The following CRISPLD2 variants were observed in gnomAD, a reference collection of about 807,000 sequenced individuals.
CRISPLD2 encodes cysteine-rich secretory protein LCCL domain-containing 2.
A neutral mutation model predicts 71.1 loss-of-function variants in CRISPLD2; 47 were observed. The observed-to-expected ratio is 0.66, with a 90% CI of 0.52 to 0.84. CRISPLD2 has a LOEUF of 0.84. CRISPLD2 is among the 40% of genes least tolerant of loss of function. The probability of loss-of-function intolerance (pLI) is 0.00; values close to 1 mark genes in which losing one functional copy is unlikely to be tolerated. For missense variants in CRISPLD2, 830 were observed against 651.1 expected (o/e 1.27, Z -2.99); for synonymous variants, 317 against 250.1 (o/e 1.27, Z -2.52).
intron 12 of CRISPLD2, among the ~76,000 whole-genome samples, chr16:84,878,901 A>G (rs1384732597): frequency 2.0e-5 from 3 of 152,246 alleles, no homozygotes; most frequent in African/African-American, 7.2e-5. Flanking sequence ...ATAGAATGAC[A>G]GTCCCAGGAC....
rs181745539 is a variant in CRISPLD2, at chr16:84,903,343, G to A, written c.1440-3245G>A. 5.3e-5 allele frequency among the ~76,000 whole-genome samples: 8 copies of A among 152,130 alleles called. No individual in the cohort carries two copies. The East Asian group carries it at 1.2e-3, about 22-fold the overall frequency. ...TGTAATCCCAGCACTTTGGGAGGCC[G>A]AGGCAGGCGGATCATGAGCTCAGGC... is the stretch of plus-strand genomic sequence containing the variant. On this transcript the variant is annotated intron_variant, in intron 14 of 14. Coordinates refer to ENST00000262424, the MANE Select transcript of CRISPLD2 (RefSeq NM_031476.4).
chr16:84,878,092 C>T (rs890413057), intron 12 of CRISPLD2, among the ~76,000 whole-genome samples: 93 of 149,396 alleles, frequency 6.2e-4, no homozygotes, highest in African/African-American at 2.1e-3. Context: ...GGCGTGGTGG[C>T]GGGCGCCTGT....
intron 6 of CRISPLD2, among the ~76,000 whole-genome samples, chr16:84,866,239 G>GTTTTTTT (rs11409128): frequency 2.2e-4 from 33 of 148,338 alleles, no homozygotes; most frequent in South Asian, 1.5e-3. Context: ...TTGTTTTTTG[G>GTTTTTTT]TTTTTTTTTT....
chr16:84,850,740 G>A, intron 5 of CRISPLD2, 57 bp downstream of exon 5: 1 of 1,388,358 alleles, frequency 7.2e-7, no homozygotes. Context: ...TTGCTTGCCA[G>A]GGAGCACCCA....
At chr16:84,903,155 A>G (rs2071770334) in intron 14 of CRISPLD2, among the ~76,000 whole-genome samples, 1 of 152,160 alleles carries the variant, frequency 6.6e-6, no homozygotes, top group South Asian at 2.1e-4. Flanking sequence ...TGTTGGGCCT[A>G]GCCCAGTCCA....
chr16:84,873,518 C>CAAAAAAAAAAAAAAAAAA (rs61561196), intron 10 of CRISPLD2: 2 of 127,978 alleles, frequency 1.6e-5, no homozygotes, highest in Admixed American at 8.4e-5. Flanking sequence ...AAAAAAAAAA[C>CAAAAAAAAAAAAAAAAAA]AAAAAAAAAA....
chr16:84,832,962 G>T (rs1256831542), intron 1 of CRISPLD2, among the ~76,000 whole-genome samples: 1 of 152,160 alleles, frequency 6.6e-6, no homozygotes, highest in Non-Finnish European at 1.5e-5. Flanking sequence ...ACAAAGCCTC[G>T]GCCAGGGTAG....
At chr16:84,842,418 A>G (rs958157091) in intron 2 of CRISPLD2, among the ~76,000 whole-genome samples, 1 of 141,234 alleles carries the variant, frequency 7.1e-6, no homozygotes, top group African/African-American at 2.6e-5. Flanking sequence ...ACTGTCGCCT[A>G]GGCTGGAGTG....
At chr16:84,849,350 G>C (rs111566349) in intron 3 of CRISPLD2, 35 bp from the exon 4 acceptor site, 38 of 1,580,134 alleles carry the variant, frequency 2.4e-5, no homozygotes, top group Middle Eastern at 3.5e-4. Context: ...GTGAGGGGAG[G>C]GGCTGGGACT....
chr16:84,878,939 G>C (rs958452207), intron 12 of CRISPLD2, among the ~76,000 whole-genome samples: 1 of 152,232 alleles, frequency 6.6e-6, no homozygotes, highest in Non-Finnish European at 1.5e-5. Context: ...TGAGGATGAA[G>C]ACAGCTGCCC....
chr16:84,873,897 T>G lies in CRISPLD2; in HGVS notation c.1113-23T>G, dbSNP rs771749837. On this transcript the variant is annotated intron_variant, in intron 10 of 14. Transcript: ENST00000262424. ...ATTTGCATTTACCTAATGCCCGTTT[T>G]TTTTTTTTTTTTTTTTAAACAGCAA... 0.18 allele frequency: 226,784 copies of G among 1,265,820 alleles called. 3,261 individuals carry two copies. Among genetic ancestry groups the G allele is most frequent in the Admixed American group, 0.28 (11,462 of 40,496 alleles). The allele number at this position is 1,265,820 out of a possible 1,614,324, so 78.4% of individuals were successfully genotyped here. A position where few individuals can be genotyped will look rare whatever the true frequency, so the allele number is the denominator to read the frequency against.
intron 14 of CRISPLD2, among the ~76,000 whole-genome samples, chr16:84,889,789 T>TGTGC (rs2071645793): frequency 6.6e-6 from 1 of 150,568 alleles, no homozygotes; most frequent in Non-Finnish European, 1.5e-5. Context: ...TGTGTGTGTG[T>TGTGC]GCATTTTTTT....
chr16:84,860,097 TA>T (rs1917341292), intron 6 of CRISPLD2, among the ~76,000 whole-genome samples: 1 of 85,434 alleles, frequency 1.2e-5, no homozygotes. Context: ...GGATCCACAT[TA>T]AACCAAGGGA....
intron 7 of CRISPLD2, among the ~76,000 whole-genome samples, chr16:84,867,576 T>A (rs374273855): frequency 2.0e-3 from 299 of 152,290 alleles, no homozygotes; most frequent in African/African-American, 6.8e-3. Context: ...TGCCTACAAC[T>A]CTTTTTTGAG....
chr16:84,826,273 G>A (rs1916349821), intron 1 of CRISPLD2, among the ~76,000 whole-genome samples: 1 of 152,228 alleles, frequency 6.6e-6, no homozygotes, highest in African/African-American at 2.4e-5. Flanking sequence ...AAATCAGGAA[G>A]GCCCCTTAAG....
At position 84,889,180 on chromosome 16, in the gene CRISPLD2, C is replaced by G. The variant is rs772879719; in HGVS notation, c.1306-50C>G. On this transcript the variant is annotated intron_variant, in intron 13 of 14. Transcript: ENST00000262424. ...ATGATGGAGCCCCAGCTGGCTTGAC[C>G]CATGAGCTGGAATCCGCATCGCTGA... is the stretch of plus-strand genomic sequence containing the variant. 4 of 1,612,742 alleles carry G rather than the reference C, an allele frequency of 2.5e-6. No homozygotes were observed. The Admixed American group carries it at 6.7e-5, about 27-fold the overall frequency.
rs184098149 is a variant in CRISPLD2, at chr16:84,867,322, G to A, written c.853+282G>A. 7.7e-3 allele frequency among the ~76,000 whole-genome samples: 1,177 copies of A among 152,324 alleles called. 14 individuals are homozygous for A. The highest frequency in any genetic ancestry group is 0.027 in the African/African-American group (1,122 of 41,564). Reference sequence around the variant, plus strand: ...TAGACCTTCCCTTGTCCTTTCAAAAGGGACCTGGGCTGAAGTTGGGTTCCT... The same window carrying A: ...TAGACCTTCCCTTGTCCTTTCAAAAAGGACCTGGGCTGAAGTTGGGTTCCT... On this transcript the variant is annotated intron_variant, in intron 7 of 14. Coordinates refer to ENST00000262424, the MANE Select transcript of CRISPLD2 (RefSeq NM_031476.4).
At chr16:84,865,303 C>T (rs1364577643) in intron 6 of CRISPLD2, among the ~76,000 whole-genome samples, 2 of 152,038 alleles carry the variant, frequency 1.3e-5, no homozygotes, top group Admixed American at 1.3e-4. Context: ...CTACAGGCAC[C>T]CGCCATCATG....
intron 3 of CRISPLD2, among the ~76,000 whole-genome samples, chr16:84,847,368 C>T (rs896012782): frequency 2.6e-5 from 4 of 152,186 alleles, no homozygotes; most frequent in Admixed American, 2.6e-4. Flanking sequence ...AACTATCTTA[C>T]AGGCTGGGCA....
Sources: gnomAD v4.1 joint callset for allele counts (sites outside exome capture counted in the v4.1 genomes callset) on GRCh38, gnomAD v4.1.1 for gene constraint, MANE v1.5 for transcripts, NCBI Gene and HGNC (gene_info 2026-07-23, HGNC 2026-07-21) for gene names.